The following PDZD9 variants were observed in gnomAD, a reference collection of about 807,000 sequenced individuals.
PDZD9 encodes the protein PDZ domain-containing protein 9.
Under a neutral mutation model 16.3 loss-of-function variants are expected in PDZD9, and 13 were observed. That is an observed-to-expected ratio of 0.80 (90% CI 0.52 to 1.27). The LOEUF is 1.27. Among genes scored for constraint, PDZD9 ranks in the 50% most tolerant of loss-of-function variants. PDZD9 has a pLI of 0.00. For missense variants in PDZD9, 288 were observed against 310.9 expected, an observed-to-expected ratio of 0.93 and a Z score of 0.55; for synonymous variants, 120 against 111.0, an observed-to-expected ratio of 1.08 and a Z score of -0.51.
the PDZD9 span, among the ~76,000 whole-genome samples, chr16:21,972,835 C>CT: frequency 6.6e-6 from 1 of 152,224 alleles, no homozygotes; most frequent in African/African-American, 2.4e-5. Context: ...GGCACAGTGG[C>CT]TCACGCCTGT....
At chr16:21,988,556 T>C in intron 3 of PDZD9, 46 bp downstream of exon 3, 1 of 1,481,294 alleles carries the variant, frequency 6.8e-7, no homozygotes, top group Non-Finnish European at 9.3e-7. Flanking sequence ...TCACAGGCCC[T>C]GGGATTCTGT....
At chr16:21,974,861 G>T in the PDZD9 span, among the ~76,000 whole-genome samples, 1 of 152,194 alleles carries the variant, frequency 6.6e-6, no homozygotes, top group South Asian at 2.1e-4. Context: ...GGAAGATATT[G>T]GGAAGATGGG....
the PDZD9 span, among the ~76,000 whole-genome samples, chr16:21,974,742 C>T: frequency 5.9e-5 from 9 of 152,202 alleles, no homozygotes; most frequent in South Asian, 2.1e-4. Flanking sequence ...GCAAAAAGAT[C>T]GGAGCAGATA....
the PDZD9 span, among the ~76,000 whole-genome samples, chr16:21,965,185 T>C: frequency 6.6e-6 from 1 of 152,234 alleles, no homozygotes; most frequent in African/African-American, 2.4e-5. Flanking sequence ...CTCCAGTATA[T>C]AGAAGCTGCT....
chr16:21,994,850 A>AGGTAGG (rs1899106566), intron 2 of PDZD9, among the ~76,000 whole-genome samples: 1 of 147,846 alleles, frequency 6.8e-6, no homozygotes, highest in South Asian at 2.1e-4. Context: ...TTTTTTTTAG[A>AGGTAGG]GGTAGGGTCT....
At chr16:21,964,087 T>G in the PDZD9 span, among the ~76,000 whole-genome samples, 1 of 152,130 alleles carries the variant, frequency 6.6e-6, no homozygotes, top group East Asian at 1.9e-4. Flanking sequence ...ATAGCTCAAC[T>G]CAGTGGTTCA....
intron 3 of PDZD9, 145 bp from the exon 4 acceptor site, chr16:21,984,805 C>G: frequency 1.7e-6 from 1 of 584,630 alleles, no homozygotes; most frequent in Non-Finnish European, 2.6e-6. Context: ...TGAAATGTTT[C>G]TCTTTTTTAA....
chr16:21,987,107 G>A lies in PDZD9; in HGVS notation c.401+1495C>T, dbSNP rs1006580544. 2.6e-5 allele frequency among the ~76,000 whole-genome samples: 4 copies of A among 152,118 alleles called. No individual in the cohort carries two copies. In the South Asian group the frequency reaches 8.3e-4, roughly 32 times the overall value. On this transcript the variant is annotated intron_variant, in intron 3 of 3. Coordinates refer to ENST00000424898, the MANE Select transcript of PDZD9 (RefSeq NM_001363519.1). Reference sequence around the variant, plus strand: ...AGAGATTTTTTGCAGGAACATGCCAGGATCAGATTTGCATTACAAAAAGAT... The same window carrying A: ...AGAGATTTTTTGCAGGAACATGCCAAGATCAGATTTGCATTACAAAAAGAT...
chr16:21,999,824 G>A (rs1026499533), intron 1 of PDZD9, among the ~76,000 whole-genome samples: 1 of 152,164 alleles, frequency 6.6e-6, no homozygotes, highest in Non-Finnish European at 1.5e-5. Flanking sequence ...ATCACTTGGG[G>A]TCAGGAGTTC....
intron 2 of PDZD9, among the ~76,000 whole-genome samples, chr16:21,991,434 T>C (rs1354509157): frequency 6.6e-6 from 1 of 152,096 alleles, no homozygotes; most frequent in Non-Finnish European, 1.5e-5. Flanking sequence ...AAATGGGGTT[T>C]TGTCATGTTG....
intron 2 of PDZD9, among the ~76,000 whole-genome samples, chr16:21,991,369 G>A (rs1370140610): frequency 6.6e-6 from 1 of 152,070 alleles, no homozygotes; most frequent in African/African-American, 2.4e-5. Flanking sequence ...TGGAGGAGCT[G>A]GGACTGCAAG....
chr16:21,978,571 G>A, the PDZD9 span, among the ~76,000 whole-genome samples: 7 of 152,146 alleles, frequency 4.6e-5, no homozygotes, highest in Non-Finnish European at 2.9e-5. Flanking sequence ...GCAAGAGGCA[G>A]GAGTTGCTTC....
chr16:21,970,376 C>T, the PDZD9 span, among the ~76,000 whole-genome samples: 8 of 152,128 alleles, frequency 5.3e-5, no homozygotes, highest in African/African-American at 1.9e-4. Flanking sequence ...GACTGTTTTC[C>T]AAAGTAGCTG....
At chr16:21,960,962 C>G in the PDZD9 span, among the ~76,000 whole-genome samples, 35 of 152,226 alleles carry the variant, frequency 2.3e-4, no homozygotes, top group African/African-American at 6.7e-4. Flanking sequence ...TCCCAAGTAG[C>G]TAGGACTATA....
rs1898808323 is a variant in PDZD9 at position 21,984,177 on chromosome 16, A to C, written c.*90T>G. On this transcript the variant is annotated 3_prime_UTR_variant, in exon 4 of 4. Coordinates refer to ENST00000424898, the MANE Select transcript of PDZD9 (RefSeq NM_001363519.1). ...GAGAAGAGAATTGGTGAGTCTACAG[A>C]CAGTCCTTGATAAGTACAGCAAACT... is the stretch of plus-strand genomic sequence containing the variant. The C allele has an allele frequency of 7.2e-7, 1 of 1,394,198 alleles. No homozygotes were observed. The highest frequency in any genetic ancestry group is 1.4e-5 in the South Asian group (1 of 71,486). 86.4% of individuals were successfully genotyped at this position (1,394,198 alleles called of 1,614,324 possible). A position where few individuals can be genotyped will look rare whatever the true frequency, so the allele number is the denominator to read the frequency against.
chr16:21,971,419 T>C, the PDZD9 span: 1 of 878,684 alleles, frequency 1.1e-6, no homozygotes, highest in Non-Finnish European at 1.7e-6. Flanking sequence ...ATTTATTTTG[T>C]AGTGTTAGGA....
chr16:21,985,588 A>G lies in PDZD9; in HGVS notation c.402-928T>C, dbSNP rs564504375. Among the ~76,000 whole-genome samples the G allele has an allele frequency of 1.3e-4, 20 of 152,290 alleles. No individual in the cohort carries two copies. The South Asian group carries it at 4.1e-3, about 32-fold the overall frequency. ...GTACCTGTGCTTGCTTTAACTTTCC[A>G]GAATGAATGCTCTGTCACCTGCTTT... On this transcript the variant is annotated intron_variant, in intron 3 of 3. Coordinates refer to ENST00000424898, the MANE Select transcript of PDZD9 (RefSeq NM_001363519.1).
At chr16:21,988,003 C>CA (rs1555517278) in intron 3 of PDZD9, among the ~76,000 whole-genome samples, 3 of 100,724 alleles carry the variant, frequency 3.0e-5, no homozygotes, top group Non-Finnish European at 5.6e-5. Flanking sequence ...GCAAGAAGCA[C>CA]TTTTTTTTTT....
At chr16:21,966,785 G>A in the PDZD9 span, among the ~76,000 whole-genome samples, 1 of 152,136 alleles carries the variant, frequency 6.6e-6, no homozygotes, top group Non-Finnish European at 1.5e-5. Context: ...GTGTCATTAA[G>A]TTAGCTAAAA....
Sources: allele counts gnomAD v4.1 joint callset (sites outside exome capture counted in the v4.1 genomes callset), GRCh38; gene constraint gnomAD v4.1.1; transcripts MANE v1.5; gene names NCBI Gene and HGNC (gene_info 2026-07-23, HGNC 2026-07-21).